The following KIF26B variants were observed in gnomAD, a reference collection of about 807,000 sequenced individuals.
The protein encoded by KIF26B is kinesin-like protein KIF26B.
In KIF26B, 63 loss-of-function variants were observed where a neutral mutation model predicts 151.2. That is an observed-to-expected ratio of 0.42 (90% CI 0.34 to 0.51). The LOEUF (loss-of-function observed/expected upper bound fraction) is 0.51, where lower values mean the gene tolerates loss of function less well. Among genes scored for constraint, KIF26B ranks in the 20% least tolerant of loss-of-function variants. The pLI is 0.07. For missense variants in KIF26B, 2,813 were observed against 2,913.6 expected (o/e 0.97, Z 0.79); for synonymous variants, 1,357 against 1,262.1 (o/e 1.08, Z -1.59).
intron 9 of KIF26B, among the ~76,000 whole-genome samples, chr1:245,632,824 T>C (rs1468452017): frequency 2.0e-5 from 3 of 152,124 alleles, no homozygotes; most frequent in African/African-American, 4.8e-5. Context: ...GGAAGGATCG[T>C]TTGAGCCTGG....
chr1:245,550,063 CAACCA>C (rs1307397827), intron 5 of KIF26B, among the ~76,000 whole-genome samples: 1 of 152,148 alleles, frequency 6.6e-6, no homozygotes, highest in Non-Finnish European at 1.5e-5. Flanking sequence ...ACAGGAAAAA[CAACCA>C]AAAATAGAAC....
intron 2 of KIF26B, among the ~76,000 whole-genome samples, chr1:245,232,798 C>T (rs1004813863): frequency 6.6e-6 from 1 of 152,196 alleles, no homozygotes; most frequent in East Asian, 1.9e-4. Context: ...GATCCACCCG[C>T]CTTGGCGTCC....
intron 4 of KIF26B, among the ~76,000 whole-genome samples, chr1:245,470,392 G>A (rs962880355): frequency 5.9e-5 from 9 of 152,002 alleles, no homozygotes; most frequent in African/African-American, 2.2e-4. Context: ...AACAGTCACT[G>A]CTTGGAAAAA....
chr1:245,707,902 C>T lies in KIF26B; in HGVS notation c.*5296C>T. On this transcript the variant is annotated 3_prime_UTR_variant, in exon 15 of 15. Coordinates refer to ENST00000407071, the MANE Select transcript of KIF26B (RefSeq NM_018012.4). Reference sequence around the variant, plus strand: ...CTGATAGTATTAGTTCCCTACATTTCCCTAAGACTCCCATCCAACCCCTAG... The same window carrying T: ...CTGATAGTATTAGTTCCCTACATTTTCCTAAGACTCCCATCCAACCCCTAG... 6.6e-6 allele frequency: 1 copy of T among 152,246 alleles called. No individual in the cohort carries two copies. The highest frequency in any genetic ancestry group is 2.4e-5 in the African/African-American group (1 of 41,448). 9.4% of individuals were successfully genotyped at this position (152,246 alleles called of 1,614,324 possible).
intron 9 of KIF26B, among the ~76,000 whole-genome samples, chr1:245,632,610 C>T (rs552803036): frequency 3.9e-5 from 6 of 152,266 alleles, no homozygotes; most frequent in South Asian, 2.1e-4. Flanking sequence ...AGTGCTAAAG[C>T]GGAGTGGTGG....
intron 2 of KIF26B, among the ~76,000 whole-genome samples, chr1:245,354,736 AAGGG>A (rs1672646499): frequency 6.6e-6 from 1 of 152,084 alleles, no homozygotes; most frequent in Admixed American, 6.5e-5. Context: ...ACCTCCACAT[AAGGG>A]AAACTGAGGT....
Position 245,601,972 on chromosome 1 carries a change from C to T in KIF26B, c.1351-605C>T, listed in dbSNP as rs72762884. Among the ~76,000 whole-genome samples the T allele has an allele frequency of 3.9e-5, 6 of 152,176 alleles. No individual in the cohort carries two copies. The highest frequency in any genetic ancestry group is 1.3e-4 in the Admixed American group (2 of 15,284). ...AGAGATGCACTTCCATTCTCTGAAA[C>T]GACAACTTCTCTGCACTCGCTTAAT... On this transcript the variant is annotated intron_variant, in intron 5 of 14. Coordinates refer to ENST00000407071, the MANE Select transcript of KIF26B (RefSeq NM_018012.4). This position sits in a 1 kb window ranked among gnomAD's most constrained non-coding sequence, Gnocchi z 4.4.
chr1:245,524,286 ACAGACCCTTGAGG>A (rs1483829204), intron 4 of KIF26B, among the ~76,000 whole-genome samples: 1 of 152,200 alleles, frequency 6.6e-6, no homozygotes, highest in East Asian at 1.9e-4. Context: ...TATTCTCACA[ACAGACCCTTGAGG>A]TAGTTACCGT....
At chr1:245,539,195 C>T (rs1217776967) in intron 4 of KIF26B, among the ~76,000 whole-genome samples, 11 of 152,094 alleles carry the variant, frequency 7.2e-5, no homozygotes, top group Non-Finnish European at 1.5e-5. Flanking sequence ...CAGATGAGAA[C>T]AATTAAGCTT....
chr1:245,549,774 A>G (rs1333981199), intron 5 of KIF26B, among the ~76,000 whole-genome samples: 1 of 145,588 alleles, frequency 6.9e-6, no homozygotes, highest in Non-Finnish European at 1.5e-5. Flanking sequence ...GGGGAGAATA[A>G]TTCCGATACA....
intron 2 of KIF26B, among the ~76,000 whole-genome samples, chr1:245,225,359 A>C (rs1249960156): frequency 1.3e-5 from 2 of 152,360 alleles, no homozygotes; most frequent in East Asian, 3.9e-4. Context: ...GGCTAACAAC[A>C]TGGCCACAGG....
rs1012931214 is a variant in KIF26B at position 245,602,655 on chromosome 1, C to T, written c.1429C>T (p.Arg477Trp). ...CAGCTCTTTCTTAAAGGTGGACCCA[C>T]GGAAGAAGCAGATCACCTTGTACGA... ...ESSSFLKVDP[R>W]KKQITLYDPL... Residue 477 changes from arginine (R) to tryptophan (W), a missense_variant, in exon 6 of 15, where the codon CGG becomes TGG. Coordinates refer to ENST00000407071, the MANE Select transcript of KIF26B (RefSeq NM_018012.4). The surrounding 1 kb of genome is among the most constrained non-coding windows in gnomAD (Gnocchi z 4.5). 4.3e-6 allele frequency: 7 copies of T among 1,613,916 alleles called. No individual in the cohort carries two copies. The highest frequency in any genetic ancestry group is 2.2e-5 in the East Asian group (1 of 44,898).
Position 245,687,456 on chromosome 1 carries a change from C to T in KIF26B, c.4473C>T (p.Ser1491=), listed in dbSNP as rs868787194. 1.3e-6 allele frequency: 2 copies of T among 1,588,410 alleles called. No individual in the cohort carries two copies. The highest frequency in any genetic ancestry group is 1.3e-5 in the African/African-American group (1 of 74,442). The change falls in exon 12 of 15, where the codon AGC becomes AGT. Residue 1491 remains serine (S), a synonymous_variant. Transcript: ENST00000407071. The surrounding 1 kb of genome is among the most constrained non-coding windows in gnomAD (Gnocchi z 4.9). The stretch of plus-strand genomic sequence containing the variant: ...AGCCCAGTCCGGGAGACAGGCTCAG[C>T]AGCAGCAGCGGAGAGGTGTCGGCCT... ...DGKPSPGDRL[S]SSSGEVSASP...
intron 10 of KIF26B, among the ~76,000 whole-genome samples, chr1:245,672,924 C>G (rs1303497303): frequency 6.6e-6 from 1 of 152,100 alleles, no homozygotes; most frequent in Non-Finnish European, 1.5e-5. Context: ...ATTTTCTTCC[C>G]CAAAGCACCA....
intron 2 of KIF26B, among the ~76,000 whole-genome samples, chr1:245,270,125 CTT>C (rs1234291190): frequency 3.2e-5 from 3 of 94,548 alleles, no homozygotes; most frequent in Non-Finnish European, 6.4e-5. Flanking sequence ...GTTCTTTTTT[CTT>C]CTTCCTTCTT....
chr1:245,661,836 CACCAT>C (rs2044144784), intron 10 of KIF26B, among the ~76,000 whole-genome samples: 2 of 95,780 alleles, frequency 2.1e-5, no homozygotes, highest in Non-Finnish European at 4.6e-5. Flanking sequence ...ATATTACACA[CACCAT>C]ATATATATAT....
chr1:245,394,514 T>C (rs1020922093), intron 3 of KIF26B, among the ~76,000 whole-genome samples: 4 of 151,886 alleles, frequency 2.6e-5, no homozygotes, highest in African/African-American at 4.8e-5. Context: ...TCTCAGTTAC[T>C]TGGAAGGCTG....
At chr1:245,652,145 T>TGAGGGA (rs1553300739) in intron 10 of KIF26B, among the ~76,000 whole-genome samples, 15 of 142,762 alleles carry the variant, frequency 1.1e-4, no homozygotes, top group African/African-American at 4.1e-4. Context: ...TGTGTGTGTG[T>TGAGGGA]GAGAGAGACA....
At chr1:245,557,288 A>C (rs1379405955) in intron 5 of KIF26B, among the ~76,000 whole-genome samples, 1 of 152,218 alleles carries the variant, frequency 6.6e-6, no homozygotes, top group Non-Finnish European at 1.5e-5. Context: ...AGTAGACTTG[A>C]ATTTGAAGGC....
Sources: gnomAD v4.1 joint callset for allele counts (sites outside exome capture counted in the v4.1 genomes callset) on GRCh38, gnomAD v4.1.1 for gene constraint, Gnocchi (gnomAD v3.1) non-coding constraint, MANE v1.5 for transcripts, NCBI Gene and HGNC (gene_info 2026-07-23, HGNC 2026-07-21) for gene names.